Variants in ZNF624 observed in about 807,000 individuals in gnomAD.
ZNF624 encodes the protein zinc finger protein 624.
ZNF624 carries 43 observed loss-of-function variants against 74.7 expected under a neutral mutation model. The observed-to-expected ratio is 0.58, with a 90% CI of 0.45 to 0.74. ZNF624 has a LOEUF of 0.74. ZNF624 is among the 30% of genes least tolerant of loss of function. ZNF624 has a pLI of 0.00. For missense variants in ZNF624, 820 were observed against 1,030.0 expected (o/e 0.80, Z 2.79); for synonymous variants, 331 against 341.3 (o/e 0.97, Z 0.33).
chr17:16,617,951 G>T, downstream of ZNF624: 2 of 987,092 alleles, frequency 2.0e-6, no homozygotes, highest in South Asian at 1.4e-5. Context: ...CCGCGGTGCG[G>T]GTGCGGGGAC....
At chr17:16,617,685 A>G (rs1908819192), downstream of ZNF624, 2 of 1,605,734 alleles carry the variant, frequency 1.2e-6, no homozygotes, top group South Asian at 2.2e-5. Context: ...GTGCTCTACG[A>G]TCACGCGCTC....
chr17:16,649,308 T>C (rs1909664172), intron 2 of ZNF624, among the ~76,000 whole-genome samples: 1 of 152,200 alleles, frequency 6.6e-6, no homozygotes, highest in African/African-American at 2.4e-5. Context: ...TTCCCCATAA[T>C]TTCCTATATA....
chr17:16,616,906 G>T, downstream of ZNF624: 3 of 1,506,804 alleles, frequency 2.0e-6, no homozygotes, highest in Non-Finnish European at 2.7e-6. Flanking sequence ...TCTAGAACAG[G>T]ATCTTGAAGT....
At chr17:16,643,773 AG>A (rs904898286) in intron 3 of ZNF624, among the ~76,000 whole-genome samples, 2 of 152,224 alleles carry the variant, frequency 1.3e-5, no homozygotes, top group African/African-American at 4.8e-5. Context: ...AAAAAATCAA[AG>A]GTTTGTGTTG....
rs1383158804 is a variant in ZNF624 at position 16,633,851 on chromosome 17, G to A, written c.376+11C>T. Reference sequence around the variant, plus strand: ...AAATAAATCCCATCTTCTTGGTTCTGTTTAACTCACCAGGATAGGGAATTC... The same window carrying A: ...AAATAAATCCCATCTTCTTGGTTCTATTTAACTCACCAGGATAGGGAATTC... On this transcript the variant is annotated intron_variant, in intron 5 of 5. Coordinates refer to ENST00000311331, the MANE Select transcript of ZNF624 (RefSeq NM_020787.4). 2 of 1,602,306 alleles carry A rather than the reference G, an allele frequency of 1.2e-6. No homozygotes were observed. Among genetic ancestry groups the A allele is most frequent in the African/African-American group, 1.3e-5 (1 of 74,706 alleles).
At chr17:16,628,743 AG>A (rs1164737019) in intron 5 of ZNF624, among the ~76,000 whole-genome samples, 5 of 152,156 alleles carry the variant, frequency 3.3e-5, no homozygotes, top group African/African-American at 1.2e-4. Context: ...GCTAAGTCAA[AG>A]AAATAATGTC....
chr17:16,620,640 T>C (rs1311649808), downstream of ZNF624: 2 of 152,236 alleles, frequency 1.3e-5, no homozygotes, highest in East Asian at 1.9e-4. Context: ...TTCCATGCTC[T>C]AAGATGCATG....
Position 16,649,699 on chromosome 17 carries a change from C to T in ZNF624, c.46G>A (p.Gly16Arg), listed in dbSNP as rs1909673898. 4 of 1,613,918 alleles carry T rather than the reference C, an allele frequency of 2.5e-6. No individual in the cohort carries two copies. The highest frequency in any genetic ancestry group is 2.7e-5 in the African/African-American group (2 of 74,928). Reference protein sequence around the residue: ...STLSREGKPEGEIMAAVFFSV... With the variant: ...STLSREGKPEREIMAAVFFSV... ...AAAAACACAGCAGCCATAATCTCTC[C>T]CTCTGGTTTCCCCTCTCTGGAAAGA... Residue 16 changes from glycine (G) to arginine (R), a missense_variant, in exon 2 of 6, where the codon GGA becomes AGA. Coordinates refer to ENST00000311331, the MANE Select transcript of ZNF624 (RefSeq NM_020787.4).
intron 2 of ZNF624, 59 bp from the exon 3 acceptor site, chr17:16,647,453 C>T (rs888145030): frequency 2.1e-6 from 3 of 1,419,344 alleles, no homozygotes; most frequent in South Asian, 2.3e-5. Flanking sequence ...TACAGCAGAG[C>T]CTCAACAAGC....
At chr17:16,628,145 C>T (rs1045080965) in intron 5 of ZNF624, among the ~76,000 whole-genome samples, 3 of 152,084 alleles carry the variant, frequency 2.0e-5, no homozygotes, top group Non-Finnish European at 4.4e-5. Context: ...TGCCTGTAGT[C>T]CCAGCTACTC....
chr17:16,615,504 G>A, the ZNF624 span, among the ~76,000 whole-genome samples: 8,788 of 152,122 alleles, frequency 0.058, 302 homozygotes, highest in Middle Eastern at 0.11. Context: ...TAAATTCTAC[G>A]TGTATTTTAT....
At chr17:16,636,818 G>A (rs1054997451) in intron 3 of ZNF624, among the ~76,000 whole-genome samples, 4 of 150,112 alleles carry the variant, frequency 2.7e-5, no homozygotes, top group Non-Finnish European at 4.4e-5. Context: ...CCTGGTACAC[G>A]AAGAGAGACT....
downstream of ZNF624, chr17:16,616,949 C>G: frequency 6.3e-7 from 1 of 1,581,964 alleles, no homozygotes; most frequent in Middle Eastern, 1.7e-4. Context: ...ACAGAGCGGG[C>G]CTTTCAGGGT....
In ZNF624 at chr17:16,624,157, C is replaced by A. The variant is rs139652648; in HGVS notation, c.729G>T (p.Leu243Phe). 6.2e-7 allele frequency: 1 copy of A among 1,613,968 alleles called. No individual in the cohort carries two copies. The highest frequency in any genetic ancestry group is 1.3e-5 in the African/African-American group (1 of 74,906). ...ENLNLITDTHLGKIICKEMKG... is the reference protein window; with the variant it reads ...ENLNLITDTHFGKIICKEMKG... ...TCATCTCCTTGCAAATTATCTTCCC[C>A]AAATGGGTATCTGTAATCAAATTTA... Residue 243 changes from leucine to phenylalanine, a missense_variant, in exon 6 of 6, where the codon TTG (leucine) becomes TTT (phenylalanine). Coordinates refer to ENST00000311331, the MANE Select transcript of ZNF624 (RefSeq NM_020787.4).
downstream of ZNF624, chr17:16,616,964 C>T (rs1908803817): frequency 6.3e-7 from 1 of 1,592,564 alleles, no homozygotes; most frequent in Non-Finnish European, 8.6e-7. Flanking sequence ...CAGGGTGGAC[C>T]AGGTAGCGGC....
downstream of ZNF624, chr17:16,617,885 C>A: frequency 1.3e-6 from 2 of 1,578,374 alleles, no homozygotes; most frequent in Non-Finnish European, 1.7e-6. Flanking sequence ...GCGGCATGTC[C>A]GTGGCGGGCG....
At chr17:16,633,715 G>C in intron 5 of ZNF624, 147 bp downstream of exon 5, 1 of 561,922 alleles carries the variant, frequency 1.8e-6, no homozygotes, top group East Asian at 3.0e-5. Flanking sequence ...GGGGGTGAGA[G>C]GGACAGGCAG....
chr17:16,619,978 CT>C (rs1327030797), downstream of ZNF624, among the ~76,000 whole-genome samples: 2 of 152,316 alleles, frequency 1.3e-5, no homozygotes, highest in African/African-American at 4.8e-5. Flanking sequence ...GAGGATTGGT[CT>C]CTTAGTAATA....
intron 5 of ZNF624, among the ~76,000 whole-genome samples, chr17:16,627,860 C>G (rs1357090795): frequency 1.3e-5 from 2 of 152,178 alleles, no homozygotes; most frequent in African/African-American, 4.8e-5. Context: ...CTGGCAAAAG[C>G]AAACATTAAT....
Sources: gnomAD v4.1 joint callset for allele counts (sites outside exome capture counted in the v4.1 genomes callset) on GRCh38, gnomAD v4.1.1 for gene constraint, MANE v1.5 for transcripts, NCBI Gene and HGNC (gene_info 2026-07-23, HGNC 2026-07-21) for gene names.